The following ATP8B4 variants were observed in gnomAD, a reference collection of about 807,000 sequenced individuals.
The protein encoded by ATP8B4 is ATPase phospholipid transporting 8B4 (putative).
ATP8B4 carries 133 observed loss-of-function variants against 145.6 expected under a neutral mutation model. The ratio of observed to expected loss-of-function variants is 0.91; its 90% CI spans 0.79 to 1.05. The LOEUF is 1.05. Among genes scored for constraint, ATP8B4 ranks in the 50% least tolerant of loss-of-function variants. The pLI is 0.00. For synonymous variants in ATP8B4, 507 were observed against 492.9 expected (o/e 1.03, Z -0.38); for missense variants, 1,458 against 1,425.2 (o/e 1.02, Z -0.37).
At chr15:50,066,804 T>A (rs1161973638) in intron 3 of ATP8B4, among the ~76,000 whole-genome samples, 1 of 152,084 alleles carries the variant, frequency 6.6e-6, no homozygotes, top group Non-Finnish European at 1.5e-5. Context: ...TTTGTGGGGT[T>A]TTTTTCTGCC....
upstream of ATP8B4, among the ~76,000 whole-genome samples, chr15:50,120,363 A>G (rs1397420643): frequency 6.6e-6 from 1 of 152,224 alleles, no homozygotes; most frequent in Non-Finnish European, 1.5e-5. Flanking sequence ...GCAGGAAGCA[A>G]TCATCTCTTT....
intron 1 of ATP8B4, among the ~76,000 whole-genome samples, chr15:50,178,072 C>T (rs182930591): frequency 6.6e-6 from 1 of 152,258 alleles, no homozygotes; most frequent in Admixed American, 6.5e-5. Context: ...CTGTCTTGCC[C>T]CTAAACTTCT....
chr15:50,058,975 T>A (rs1162273067), intron 3 of ATP8B4, among the ~76,000 whole-genome samples: 2 of 151,922 alleles, frequency 1.3e-5, no homozygotes, highest in Non-Finnish European at 2.9e-5. Flanking sequence ...AAAAAAGAGT[T>A]TTAAAGCATC....
At chr15:50,131,888 C>T (rs1194407778) in intron 1 of ATP8B4, among the ~76,000 whole-genome samples, 3 of 151,560 alleles carry the variant, frequency 2.0e-5, no homozygotes, top group African/African-American at 7.3e-5. Flanking sequence ...GCAGCTACTG[C>T]TCTTGCACCT....
At chr15:49,957,004 G>A (rs528836702) in intron 14 of ATP8B4, among the ~76,000 whole-genome samples, 2 of 152,056 alleles carry the variant, frequency 1.3e-5, no homozygotes, top group East Asian at 3.9e-4. Flanking sequence ...AGATTAGGAT[G>A]ACAAAACAAA....
chr15:49,881,537 G>A (rs980833988), intron 23 of ATP8B4, among the ~76,000 whole-genome samples: 5 of 152,112 alleles, frequency 3.3e-5, no homozygotes, highest in African/African-American at 7.2e-5. Flanking sequence ...CTGCAGCCAC[G>A]TGAAGGATAA....
chr15:49,959,805 A>G (rs1194487956), intron 14 of ATP8B4, among the ~76,000 whole-genome samples: 1 of 152,170 alleles, frequency 6.6e-6, no homozygotes, highest in East Asian at 1.9e-4. Context: ...AATATGAATT[A>G]AGTAGCTTGA....
At chr15:49,966,683 G>A (rs531768563) in intron 13 of ATP8B4, among the ~76,000 whole-genome samples, 1 of 152,278 alleles carries the variant, frequency 6.6e-6, no homozygotes, top group African/African-American at 2.4e-5. Context: ...GGGTGGCTGT[G>A]CGCGCAGCGT....
At chr15:49,989,907 T>C (rs547125740) in intron 9 of ATP8B4, among the ~76,000 whole-genome samples, 4 of 152,292 alleles carry the variant, frequency 2.6e-5, no homozygotes, top group East Asian at 1.9e-4. Context: ...TGTATTCCTA[T>C]AACCTATTAT....
At chr15:50,054,282 C>T (rs1462758497) in intron 3 of ATP8B4, among the ~76,000 whole-genome samples, 2 of 152,132 alleles carry the variant, frequency 1.3e-5, no homozygotes, top group African/African-American at 4.8e-5. Flanking sequence ...GGTATATTAC[C>T]AGAGGAAAAA....
At chr15:50,125,626 C>A (rs1186838152) in intron 1 of ATP8B4, among the ~76,000 whole-genome samples, 1 of 152,068 alleles carries the variant, frequency 6.6e-6, no homozygotes, top group Non-Finnish European at 1.5e-5. Context: ...ATTTATCAGG[C>A]CCAAAAAGAC....
intron 7 of ATP8B4, among the ~76,000 whole-genome samples, chr15:50,006,732 GA>G (rs2048331071): frequency 6.6e-6 from 1 of 152,230 alleles, no homozygotes; most frequent in African/African-American, 2.4e-5. Flanking sequence ...TTTGTGAAGG[GA>G]AAGGAAGGAC....
chr15:49,949,055 G>A (rs1194030579), intron 14 of ATP8B4, among the ~76,000 whole-genome samples: 1 of 152,148 alleles, frequency 6.6e-6, no homozygotes, highest in Non-Finnish European at 1.5e-5. Flanking sequence ...GTATTGTGCT[G>A]TTTTGGTTAT....
intron 1 of ATP8B4, among the ~76,000 whole-genome samples, chr15:50,115,367 GGAT>G (rs1221229869): frequency 6.6e-6 from 1 of 151,858 alleles, no homozygotes; most frequent in Non-Finnish European, 1.5e-5. Context: ...TTTTAAAAAA[GGAT>G]GATGAGTGCA....
intron 23 of ATP8B4, among the ~76,000 whole-genome samples, chr15:49,881,556 A>G (rs1213066551): frequency 1.6e-4 from 25 of 152,252 alleles, no homozygotes; most frequent in Non-Finnish European, 1.5e-5. Flanking sequence ...AATGCACTCA[A>G]TGTGGCATGA....
intron 13 of ATP8B4, among the ~76,000 whole-genome samples, chr15:49,968,164 C>T (rs1045615234): frequency 2.0e-5 from 3 of 152,172 alleles, no homozygotes; most frequent in Non-Finnish European, 2.9e-5. Flanking sequence ...CCAGCCACTG[C>T]AAAAACATAC....
chr15:49,981,913 G>A (rs1382926559), intron 10 of ATP8B4, among the ~76,000 whole-genome samples: 4 of 152,292 alleles, frequency 2.6e-5, no homozygotes, highest in Middle Eastern at 6.8e-3. Context: ...CCCATGATAA[G>A]TGCCTTGTTC....
At chr15:50,116,762 C>T (rs577547104) in intron 1 of ATP8B4, among the ~76,000 whole-genome samples, 2 of 151,838 alleles carry the variant, frequency 1.3e-5, no homozygotes, top group African/African-American at 2.4e-5. Flanking sequence ...TAGTACAGTG[C>T]CCGGCACTGG....
chr15:49,882,760 G>A (rs1341781776), intron 23 of ATP8B4, among the ~76,000 whole-genome samples: 1 of 152,182 alleles, frequency 6.6e-6, no homozygotes, highest in Non-Finnish European at 1.5e-5. Flanking sequence ...CAGGGTAATG[G>A]TCACCTCTAG....
Sources: allele counts gnomAD v4.1 joint callset (sites outside exome capture counted in the v4.1 genomes callset), GRCh38; gene constraint gnomAD v4.1.1; transcripts MANE v1.5; gene names NCBI Gene and HGNC (gene_info 2026-07-23, HGNC 2026-07-21).